ZNF839: variants seen among roughly 807,000 people sequenced by gnomAD.
ZNF839 encodes renal carcinoma antigen NY-REN-50.
ZNF839 carries 38 observed loss-of-function variants against 56.4 expected under a neutral mutation model. The observed-to-expected ratio is 0.67, with a 90% CI of 0.52 to 0.88. The LOEUF (loss-of-function observed/expected upper bound fraction) is 0.88. Among genes scored for constraint, ZNF839 ranks in the 40% least tolerant of loss-of-function variants. ZNF839 has a pLI of 0.00. For missense variants in ZNF839, 1,091 were observed against 1,177.6 expected (o/e 0.93, Z 1.08); for synonymous variants, 486 against 493.5 (o/e 0.98, Z 0.20).
chr14:102,342,047 G>C lies in ZNF839; in HGVS notation c.2652G>C (p.Gln884His). The change falls in exon 8 of 8, where the codon CAG becomes CAC. Residue 884 changes from glutamine (Q) to histidine (H), a missense_variant. Physicochemically the swap from Gln to His is conservative, Grantham distance 24. This residue lies in a region of ZNF839 where 431 missense variants were observed against 468.0 expected (regional missense o/e 0.92). Coordinates refer to ENST00000442396, the MANE Select transcript of ZNF839 (RefSeq NM_018335.6). ...ATGGGAGCCATGAGTTACTGTCTCA[G>C]GGACAGAAGCAGATTTTTATTCAGA... ...ISNGSHELLS[Q>H]GQKQIFIQTS... is the part of the protein sequence containing the mutation. 1 of 1,613,998 alleles carries C rather than the reference G, an allele frequency of 6.2e-7. No homozygotes were observed. Among genetic ancestry groups the C allele is most frequent in the Non-Finnish European group, 8.5e-7 (1 of 1,179,892 alleles).
At chr14:102,320,202 G>T in intron 1 of ZNF839, 149 bp downstream of exon 1, 1 of 1,031,502 alleles carries the variant, frequency 9.7e-7, no homozygotes. Context: ...ACGGCGTTCG[G>T]CCCCCACCTG....
chr14:102,321,628 C>T (rs146215854), intron 1 of ZNF839, among the ~76,000 whole-genome samples: 344 of 152,266 alleles, frequency 2.3e-3, no homozygotes, highest in Non-Finnish European at 4.0e-3. Context: ...GCGTACTTTG[C>T]CCCTCAGTAG....
At position 102,341,881 on chromosome 14, in the gene ZNF839, G is replaced by C. The variant is rs201782124; in HGVS notation, c.2486G>C (p.Gly829Ala). ...CCAGGGCCTCAGCCTGGCCCACATG[G>C]ATCACTATTGACTGAAGGGTGTCTC... ...PKPGPQPGPH[G>A]SLLTEGCLRS... The change falls in exon 8 of 8, where the codon GGA (glycine) becomes GCA (alanine). Residue 829 changes from glycine to alanine, a missense_variant. Around this residue, in one of 3 missense-constraint regions of ZNF839, gnomAD observed 431 missense variants for 468.0 expected, o/e 0.92. Coordinates refer to ENST00000442396, the MANE Select transcript of ZNF839 (RefSeq NM_018335.6). 1 of 1,614,056 alleles carries C rather than the reference G, an allele frequency of 6.2e-7. No individual in the cohort carries two copies.
At chr14:102,340,047 A>G (rs1165552678) in intron 7 of ZNF839, among the ~76,000 whole-genome samples, 5 of 151,734 alleles carry the variant, frequency 3.3e-5, no homozygotes, top group Admixed American at 2.6e-4. Flanking sequence ...ATCTCGGCTC[A>G]CTGCAACCTC....
At chr14:102,327,443 C>T (rs1232070338) in intron 2 of ZNF839, among the ~76,000 whole-genome samples, 2 of 152,038 alleles carry the variant, frequency 1.3e-5, no homozygotes, top group African/African-American at 2.4e-5. Flanking sequence ...GCCTGGCCAC[C>T]ACACACTTTT....
rs183279161 is a variant in ZNF839, at chr14:102,331,950, T to C, written c.1416+104T>C. ...CCTAAGCAGTTCACCTGAAATGTCA[T>C]TGCATTAAGTGTGTGATGATGCCAA... On this transcript the variant is annotated intron_variant, in intron 3 of 7. Transcript: ENST00000442396. 16 of 926,338 alleles carry C rather than the reference T, an allele frequency of 1.7e-5. No individual in the cohort carries two copies. In the Admixed American group the frequency reaches 3.4e-4, roughly 20 times the overall value. 57.4% of individuals were successfully genotyped at this position (926,338 alleles called of 1,614,324 possible).
At chr14:102,335,346 G>A (rs1259714532) in intron 4 of ZNF839, 1 of 230,830 alleles carries the variant, frequency 4.3e-6, no homozygotes, top group African/African-American at 2.3e-5. Flanking sequence ...TGAGGCTGCA[G>A]CCCAGGCTGC....
chr14:102,338,171 A>T (rs1481081940), intron 5 of ZNF839, among the ~76,000 whole-genome samples: 1 of 152,234 alleles, frequency 6.6e-6, no homozygotes. Context: ...AGTGGGAAAG[A>T]AAGTTACTAT....
In ZNF839 at chr14:102,341,656, G is replaced by A. The variant is rs1886535817; in HGVS notation, c.2261G>A (p.Gly754Asp). The A allele has an allele frequency of 3.7e-6, 6 of 1,613,884 alleles. No homozygotes were observed. The highest frequency in any genetic ancestry group is 2.7e-5 in the African/African-American group (2 of 74,946). Residue 754 changes from glycine to aspartate, a missense_variant, in exon 8 of 8, where the codon GGT becomes GAT. Coordinates refer to ENST00000442396, the MANE Select transcript of ZNF839 (RefSeq NM_018335.6). ...TTCTGCAGCCCTTTGTCATCTGGTGGTGGAGCAGAGTCCCTGCCGCCTGGG... is the reference window on the plus strand; with the variant it reads ...TTCTGCAGCCCTTTGTCATCTGGTGATGGAGCAGAGTCCCTGCCGCCTGGG... ...PGFCSPLSSG[G>D]GAESLPPGGP... is the part of the protein sequence containing the mutation.
At position 102,331,813 on chromosome 14, in the gene ZNF839, G is replaced by A. The variant is rs1449096918; in HGVS notation, c.1383G>A (p.Gln461=). The change falls in exon 3 of 8, where the codon CAG becomes CAA. Residue 461 remains glutamine, a synonymous_variant. Transcript: ENST00000442396. The part of the protein sequence containing the change: ...LPGGPAAAGE[Q]RASPSKARLK... ...GTGGCCCTGCTGCGGCAGGGGAGCA[G>A]AGGGCGTCGCCAAGCAAAGCCAGGC... 2.5e-6 allele frequency: 4 copies of A among 1,584,166 alleles called. No individual in the cohort carries two copies. The East Asian group carries it at 9.2e-5, about 36-fold the overall frequency.
Position 102,331,687 on chromosome 14 carries a change from A to C in ZNF839, c.1257A>C (p.Arg419=), listed in dbSNP as rs774583608. The C allele has an allele frequency of 1.2e-6, 2 of 1,612,334 alleles. No homozygotes were observed. The highest frequency in any genetic ancestry group is 2.2e-5 in the East Asian group (1 of 44,850). ...AACCAGAAAATGGAGCTCTTTTGCG[A>C]TCAGAGAGATACCAAGGACCTAGAA... is the stretch of plus-strand genomic sequence containing the variant. ...PSEPENGALL[R]SERYQGPRRR... Residue 419 remains arginine, a synonymous_variant, in exon 3 of 8, where the codon CGA becomes CGC. Transcript: ENST00000442396.
upstream of ZNF839, chr14:102,319,707 A>T (rs28466273): frequency 8.2e-6 from 10 of 1,221,936 alleles, no homozygotes; most frequent in Non-Finnish European, 1.0e-5. The surrounding 1 kb of genome is among the most constrained non-coding windows in gnomAD (Gnocchi z 4.5). Flanking sequence ...CTCCTAGGTG[A>T]CGTACATTGG....
chr14:102,326,414 C>T lies in ZNF839; in HGVS notation c.718C>T (p.Leu240=). The change falls in exon 2 of 8, where the codon CTA becomes TTA. Residue 240 remains leucine (L), a synonymous_variant. Transcript: ENST00000442396. The surrounding 1 kb of genome is among the most constrained non-coding windows in gnomAD (Gnocchi z 4.3). ...SNLHTRHTEK[L]KKSLKVKTRS... is the part of the protein sequence containing the mutation. ...CTTGCATACAAGACATACTGAGAAACTAAAAAAATCGTTAAAAGTAAAGAC... is the reference window on the plus strand; with the variant it reads ...CTTGCATACAAGACATACTGAGAAATTAAAAAAATCGTTAAAAGTAAAGAC... 1 of 1,613,600 alleles carries T rather than the reference C, an allele frequency of 6.2e-7. No homozygotes were observed. Among genetic ancestry groups the T allele is most frequent in the Non-Finnish European group, 8.5e-7 (1 of 1,179,752 alleles).
rs1221413748 is a variant in ZNF839, at chr14:102,335,792, G to GT, written c.1615dup (p.Ser539PhefsTer14). 1 of 1,608,540 alleles carries GT rather than the reference G, an allele frequency of 6.2e-7. No homozygotes were observed. Among genetic ancestry groups the GT allele is most frequent in the African/African-American group, 1.3e-5 (1 of 74,924 alleles). The stretch of plus-strand genomic sequence containing the variant: ...AAAATGTGCCAAGATTACCTCAGTA[G>GT]TTCTGGTCTGTGTTCCCAGGAGACC... On this transcript the variant is annotated frameshift_variant, in exon 5 of 8. Coordinates refer to ENST00000442396, the MANE Select transcript of ZNF839 (RefSeq NM_018335.6). LOFTEE classifies it high-confidence loss of function.
At chr14:102,321,855 G>A (rs577754757) in intron 1 of ZNF839, among the ~76,000 whole-genome samples, 2 of 152,224 alleles carry the variant, frequency 1.3e-5, no homozygotes, top group East Asian at 3.9e-4. Context: ...CAGGTTCTGG[G>A]GCGGTTGGGG....
At chr14:102,336,663 GA>G in intron 5 of ZNF839, 1 of 431,260 alleles carries the variant, frequency 2.3e-6, no homozygotes, top group East Asian at 7.4e-5. Context: ...TAAGCTAGAA[GA>G]AAATGGAAAA....
At chr14:102,319,720 A>T (rs1225743485), upstream of ZNF839, 1 of 1,224,896 alleles carries the variant, frequency 8.2e-7, no homozygotes, top group Non-Finnish European at 1.0e-6. The surrounding 1 kb of genome is among the most constrained non-coding windows in gnomAD (Gnocchi z 4.5). Flanking sequence ...TACATTGGAG[A>T]CGCCGTCGCT....
At chr14:102,328,369 AAAAAAAATATATATATATATATAT>A (rs1212984194) in intron 2 of ZNF839, among the ~76,000 whole-genome samples, 5 of 35,126 alleles carry the variant, frequency 1.4e-4, no homozygotes, top group African/African-American at 5.0e-4. Flanking sequence ...AAAAAAAAAA[AAAAAAAATATATATATATATATAT>A]ATATATATAT....
intron 2 of ZNF839, among the ~76,000 whole-genome samples, chr14:102,328,371 AAAAAATATAT>A (rs1202710078): frequency 4.9e-4 from 15 of 30,678 alleles, no homozygotes; most frequent in African/African-American, 1.9e-3. Context: ...AAAAAAAAAA[AAAAAATATAT>A]ATATATATAT....
Sources: gnomAD v4.1 joint callset for allele counts (sites outside exome capture counted in the v4.1 genomes callset) on GRCh38, gnomAD v4.1.1 for gene constraint, gnomAD v4.1.1 regional missense constraint, Gnocchi (gnomAD v3.1) non-coding constraint, MANE v1.5 for transcripts, NCBI Gene and HGNC (gene_info 2026-07-23, HGNC 2026-07-21) for gene names.